Variants in STK32A observed in about 807,000 individuals in gnomAD.
The protein encoded by STK32A is serine/threonine kinase 32A.
A neutral mutation model predicts 53.2 loss-of-function variants in STK32A; 41 were observed. That is an observed-to-expected ratio of 0.77 (90% confidence interval 0.60 to 1.00). STK32A has a LOEUF of 1.00. Ranked by LOEUF, STK32A falls within the 50% of genes least tolerant of loss-of-function variation. The pLI is 0.00. For synonymous variants in STK32A, 166 were observed against 162.8 expected (o/e 1.02, Z -0.15); for missense variants, 458 against 485.8 (o/e 0.94, Z 0.54).
intron 4 of STK32A, among the ~76,000 whole-genome samples, chr5:147,286,974 C>T (rs371894974): frequency 6.6e-6 from 1 of 152,224 alleles, no homozygotes; most frequent in Non-Finnish European, 1.5e-5. Context: ...AGAATTTATA[C>T]GAAGCACTTT....
chr5:147,242,579 G>A (rs982814286), intron 2 of STK32A, among the ~76,000 whole-genome samples: 3 of 152,146 alleles, frequency 2.0e-5, no homozygotes, highest in African/African-American at 7.2e-5. Context: ...AAGCCTGAAA[G>A]ATGAGAAGAA....
chr5:147,316,486 C>T (rs1753995294), intron 4 of STK32A, among the ~76,000 whole-genome samples: 1 of 152,102 alleles, frequency 6.6e-6, no homozygotes, highest in Non-Finnish European at 1.5e-5. Flanking sequence ...GACTATGTTC[C>T]TACTGGCTGA....
At chr5:147,401,724 G>T in the STK32A span, 5 of 1,613,482 alleles carry the variant, frequency 3.1e-6, no homozygotes, top group South Asian at 1.1e-5. Context: ...CAGACAAGGG[G>T]TTAGCATAAA....
intron 7 of STK32A, among the ~76,000 whole-genome samples, chr5:147,355,638 A>G (rs901544750): frequency 1.3e-5 from 2 of 152,242 alleles, no homozygotes; most frequent in Admixed American, 1.3e-4. Flanking sequence ...AGATCGCGCC[A>G]CTGCACTCCA....
At chr5:147,258,196 G>C (rs537448080) in intron 2 of STK32A, among the ~76,000 whole-genome samples, 3 of 140,436 alleles carry the variant, frequency 2.1e-5, no homozygotes, top group South Asian at 4.6e-4. Context: ...AGTGCTTTAA[G>C]AAATACCTGT....
At chr5:147,271,781 T>A (rs7716200) in intron 2 of STK32A, among the ~76,000 whole-genome samples, 11 of 151,918 alleles carry the variant, frequency 7.2e-5, no homozygotes, top group Admixed American at 3.3e-4. Context: ...TGGTCAGACC[T>A]GTTGCTCTCA....
chr5:147,239,445 G>T, intron 1 of STK32A, 94 bp from the exon 2 acceptor site: 1 of 490,872 alleles, frequency 2.0e-6, no homozygotes. Context: ...TCACTACAGT[G>T]ATACAGATGA....
At chr5:147,363,388 T>C (rs1756601988) in intron 8 of STK32A, among the ~76,000 whole-genome samples, 1 of 152,040 alleles carries the variant, frequency 6.6e-6, no homozygotes. Context: ...CTTAAGTGGC[T>C]CTCTACAAAG....
At chr5:147,374,378 A>G (rs887790487) in intron 10 of STK32A, among the ~76,000 whole-genome samples, 10 of 152,216 alleles carry the variant, frequency 6.6e-5, no homozygotes, top group African/African-American at 2.4e-4. Context: ...AGCAGGAGGC[A>G]TGCTCCAATG....
chr5:147,366,225 C>A (rs1430774471), intron 8 of STK32A, among the ~76,000 whole-genome samples: 1 of 152,280 alleles, frequency 6.6e-6, no homozygotes, highest in East Asian at 1.9e-4. Flanking sequence ...AGAACTTCTT[C>A]CTCTTCTCAA....
chr5:147,263,577 C>T (rs13160246), intron 2 of STK32A, among the ~76,000 whole-genome samples: 56,431 of 151,792 alleles, frequency 0.37, 10,714 homozygotes, highest in Admixed American at 0.42. Context: ...AAATAGCTTT[C>T]GGAGAGCAAA....
At chr5:147,383,228 A>C (rs1757521465) in intron 11 of STK32A, 1 of 583,480 alleles carries the variant, frequency 1.7e-6, no homozygotes, top group Non-Finnish European at 3.0e-6. Flanking sequence ...CTGCCAGTGC[A>C]ATCGCTGTCT....
chr5:147,371,467 A>G lies in STK32A; in HGVS notation c.777+697A>G, dbSNP rs1757001555. Among the ~76,000 whole-genome samples the G allele has an allele frequency of 2.0e-5, 3 of 151,934 alleles. No individual in the cohort carries two copies. The South Asian group carries it at 6.2e-4, about 32-fold the overall frequency. ...CTTTTCTCCTTCTTCACTTTTACATACCAGTCTTCCTCTCACCACAGGACC... is the reference window on the plus strand; with the variant it reads ...CTTTTCTCCTTCTTCACTTTTACATGCCAGTCTTCCTCTCACCACAGGACC... On this transcript the variant is annotated intron_variant, in intron 9 of 12. Transcript: ENST00000397936.
chr5:147,323,957 A>G lies in STK32A; in HGVS notation c.320A>G (p.Asp107Gly), dbSNP rs1190856682. ...GTGGTGGACCTCCTGCTGGGTGGAG[A>G]CCTGCGTTATCACCTGCAACAGAAC... Reference protein sequence around the residue: ...FMVVDLLLGGDLRYHLQQNVH... With the variant: ...FMVVDLLLGGGLRYHLQQNVH... The change falls in exon 5 of 13, where the codon GAC (aspartate) becomes GGC (glycine). Residue 107 changes from aspartate to glycine, a missense_variant. Physicochemically the swap from Asp to Gly is moderately conservative, Grantham distance 94. Coordinates refer to ENST00000397936, the MANE Select transcript of STK32A (RefSeq NM_001112724.2). The G allele has an allele frequency of 6.2e-7, 1 of 1,613,468 alleles. No individual in the cohort carries two copies. The highest frequency in any genetic ancestry group is 8.5e-7 in the Non-Finnish European group (1 of 1,179,806).
At chr5:147,380,054 T>C (rs1245357551) in intron 11 of STK32A, among the ~76,000 whole-genome samples, 2 of 152,146 alleles carry the variant, frequency 1.3e-5, no homozygotes, top group African/African-American at 4.8e-5. Flanking sequence ...AGTGTCACAC[T>C]AAAAGGTCAT....
chr5:147,390,557 T>C (rs1173605627), downstream of STK32A, among the ~76,000 whole-genome samples: 24 of 150,278 alleles, frequency 1.6e-4, no homozygotes, highest in Non-Finnish European at 7.4e-5. Context: ...AAATGGCATA[T>C]AATACTAAAT....
At chr5:147,259,507 C>T (rs550975947) in intron 2 of STK32A, among the ~76,000 whole-genome samples, 9 of 150,252 alleles carry the variant, frequency 6.0e-5, no homozygotes, top group African/African-American at 2.0e-4. Flanking sequence ...AGAAGACCTT[C>T]GATTATCAGT....
intron 2 of STK32A, among the ~76,000 whole-genome samples, chr5:147,276,794 T>C (rs1174976908): frequency 1.3e-5 from 2 of 152,320 alleles, no homozygotes; most frequent in African/African-American, 4.8e-5. Flanking sequence ...GCTTTAGTAG[T>C]GCTTTCTTAG....
At chr5:147,244,875 C>T (rs1473239759) in intron 2 of STK32A, among the ~76,000 whole-genome samples, 1 of 152,052 alleles carries the variant, frequency 6.6e-6, no homozygotes, top group Non-Finnish European at 1.5e-5. Context: ...ATAAAGTAAC[C>T]ACTCAATTAA....
Sources: allele counts gnomAD v4.1 joint callset (sites outside exome capture counted in the v4.1 genomes callset), GRCh38; gene constraint gnomAD v4.1.1; transcripts MANE v1.5; gene names NCBI Gene and HGNC (gene_info 2026-07-23, HGNC 2026-07-21).